NTMT1: variants seen among roughly 807,000 people sequenced by gnomAD.
NTMT1 encodes the protein N-terminal Xaa-Pro-Lys N-methyltransferase 1, also known as N-terminal RCC1 methyltransferase.
In NTMT1, 8 loss-of-function variants were observed where a neutral mutation model predicts 17.5. The observed-to-expected ratio is 0.46, with a 90% CI of 0.27 to 0.82. The LOEUF is 0.82. NTMT1 is among the 40% of genes least tolerant of loss of function. NTMT1 has a pLI of 0.15. For synonymous variants in NTMT1, 128 were observed against 126.8 expected, an observed-to-expected ratio of 1.01 and a Z score of -0.06; for missense variants, 221 against 303.5, an observed-to-expected ratio of 0.73 and a Z score of 2.02.
intron 1 of NTMT1, chr9:129,615,734 T>C: frequency 7.2e-7 from 1 of 1,390,556 alleles, no homozygotes; most frequent in Non-Finnish European, 9.5e-7. Context: ...TGTGAGATCC[T>C]GGACAAGTGC....
intron 1 of NTMT1, among the ~76,000 whole-genome samples, chr9:129,629,656 T>C (rs949021998): frequency 2.0e-5 from 3 of 152,170 alleles, no homozygotes; most frequent in Non-Finnish European, 2.9e-5. Flanking sequence ...GAGGGTGTTA[T>C]GTGCAATATT....
upstream of NTMT1, among the ~76,000 whole-genome samples, chr9:129,624,038 C>T (rs1830822409): frequency 6.6e-6 from 1 of 152,122 alleles, no homozygotes; most frequent in South Asian, 2.1e-4. Context: ...TTGTGATCCA[C>T]CTGCCTCGGC....
upstream of NTMT1, among the ~76,000 whole-genome samples, chr9:129,621,788 T>C (rs112619032): frequency 2.0e-5 from 3 of 152,260 alleles, no homozygotes; most frequent in African/African-American, 7.2e-5. Context: ...TCCCAGATTG[T>C]TGTCAGCTCT....
At chr9:129,633,120 T>G in intron 2 of NTMT1, 1 of 501,978 alleles carries the variant, frequency 2.0e-6, no homozygotes, top group Non-Finnish European at 3.5e-6. Flanking sequence ...GGCAAACCTC[T>G]CTTCAACTGT....
upstream of NTMT1, among the ~76,000 whole-genome samples, chr9:129,625,479 T>C (rs908317900): frequency 1.3e-5 from 2 of 152,198 alleles, no homozygotes; most frequent in Non-Finnish European, 2.9e-5. Flanking sequence ...CGAACTGTTG[T>C]ACGTGCTGGG....
At chr9:129,612,385 G>A in intron 1 of NTMT1, 1 of 1,613,538 alleles carries the variant, frequency 6.2e-7, no homozygotes, top group Non-Finnish European at 8.5e-7. Flanking sequence ...GAGGCCAGGA[G>A]GAGATGGTAC....
chr9:129,635,481 G>GT lies in NTMT1; in HGVS notation c.*17_*18insT. On this transcript the variant is annotated 3_prime_UTR_variant, in exon 4 of 4. Transcript: ENST00000372483. ...CTGAGATGAGCCGGGGCTGGCAGGA[G>GT]AAACTGAGGAACCACAGTCCTGGTG... 1 of 1,597,970 alleles carries GT rather than the reference G, an allele frequency of 6.3e-7. No homozygotes were observed. The highest frequency in any genetic ancestry group is 8.6e-7 in the Non-Finnish European group (1 of 1,169,426).
chr9:129,630,728 C>T (rs1038889086), intron 1 of NTMT1, among the ~76,000 whole-genome samples: 1 of 152,224 alleles, frequency 6.6e-6, no homozygotes, highest in African/African-American at 2.4e-5. Context: ...GCTAGAAGCC[C>T]CCTGCTCTCC....
intron 2 of NTMT1, chr9:129,633,088 C>T (rs1831270126): frequency 1.9e-6 from 1 of 537,084 alleles, no homozygotes; most frequent in East Asian, 3.0e-5. Context: ...GGCTGTTAGG[C>T]AGAATTGAGG....
Position 129,634,129 on chromosome 9 carries a change from C to A in NTMT1, c.238C>A (p.Leu80Ile), listed in dbSNP as rs1234575895. The A allele has an allele frequency of 6.2e-7, 1 of 1,614,138 alleles. No homozygotes were observed. The highest frequency in any genetic ancestry group is 8.5e-7 in the Non-Finnish European group (1 of 1,179,998). Reference protein sequence around the residue: ...AGIGRITKRLLLPLFREVDMV... With the variant: ...AGIGRITKRLILPLFREVDMV... ...CATTGGGAGGATCACCAAGCGGCTGCTCCTGCCGCTGTTCAGAGAGGTGGA... is the reference window on the plus strand; with the variant it reads ...CATTGGGAGGATCACCAAGCGGCTGATCCTGCCGCTGTTCAGAGAGGTGGA... The change falls in exon 3 of 4, where the codon CTC (leucine) becomes ATC (isoleucine). Residue 80 changes from leucine to isoleucine, a missense_variant. Coordinates refer to ENST00000372483, the MANE Select transcript of NTMT1 (RefSeq NM_014064.4).
chr9:129,611,896 G>A (rs1830121790), intron 1 of NTMT1, among the ~76,000 whole-genome samples: 1 of 152,068 alleles, frequency 6.6e-6, no homozygotes, highest in South Asian at 2.1e-4. Context: ...GGGGCTAGAG[G>A]CGTGGAGCAC....
At position 129,616,464 on chromosome 9, in the gene NTMT1, C is replaced by G. The variant is rs375046312; in HGVS notation, c.-55+7286C>G. 2.8e-3 allele frequency among the ~76,000 whole-genome samples: 428 copies of G among 152,282 alleles called. 3 individuals are homozygous for G. Among genetic ancestry groups the G allele is most frequent in the African/African-American group, 9.6e-3 (398 of 41,560 alleles). On this transcript the variant is annotated intron_variant, in intron 1 of 3. Coordinates refer to the NTMT1 transcript ENST00000372486. Reference sequence around the variant, plus strand: ...CGCCTGACCTCAAGTGATCCACCCCCCTTCGCCTTCCTAAGTGCTGGGATC... The same window carrying G: ...CGCCTGACCTCAAGTGATCCACCCCGCTTCGCCTTCCTAAGTGCTGGGATC...
rs1830609209 is a variant in NTMT1, at chr9:129,620,137, G to A, written c.-55+10959G>A. ...GGAACTCACGGAACCTGCTGGGGAG[G>A]AGCTCTCCTAGGAAGGCGCCCAAGA... is the stretch of plus-strand genomic sequence containing the variant. On this transcript the variant is annotated intron_variant, in intron 1 of 3. Transcript: ENST00000372486. This position sits in a 1 kb window ranked among gnomAD's most constrained non-coding sequence, Gnocchi z 5.8. 1 of 1,458,462 alleles carries A rather than the reference G, an allele frequency of 6.9e-7. No homozygotes were observed. The highest frequency in any genetic ancestry group is 9.1e-7 in the Non-Finnish European group (1 of 1,103,730). The allele number at this position is 1,458,462 out of a possible 1,614,324, so 90.3% of individuals were successfully genotyped here.
intron 3 of NTMT1, chr9:129,634,727 G>C (rs1031568031): frequency 4.5e-6 from 1 of 220,114 alleles, no homozygotes; most frequent in Non-Finnish European, 9.0e-6. Context: ...CGTGGCGGCA[G>C]GCCGCTAGCA....
At chr9:129,629,257 C>T (rs545397631) in intron 1 of NTMT1, among the ~76,000 whole-genome samples, 1 of 152,176 alleles carries the variant, frequency 6.6e-6, no homozygotes, top group Non-Finnish European at 1.5e-5. Flanking sequence ...CTGGTCCTTA[C>T]GCCATCAGAC....
chr9:129,629,389 A>ATTCTTC (rs34646462), intron 1 of NTMT1, among the ~76,000 whole-genome samples: 3 of 151,322 alleles, frequency 2.0e-5, no homozygotes, highest in South Asian at 2.1e-4. Context: ...AGAAGAATTC[A>ATTCTTC]TTCTTCTTCT....
In NTMT1 at chr9:129,613,227, G is replaced by A. The variant is rs914252236; in HGVS notation, c.-55+4049G>A. 3.7e-6 allele frequency: 6 copies of A among 1,611,272 alleles called. No homozygotes were observed. The East Asian group carries it at 1.3e-4, about 36-fold the overall frequency. The stretch of plus-strand genomic sequence containing the variant: ...TGTTCATGGAGGTGTCCTCAGAAAG[G>A]TAGCCCTGTGTCTTCTGGGTGGACC... On this transcript the variant is annotated intron_variant, in intron 1 of 3. Transcript: ENST00000372486. The surrounding 1 kb of genome is among the most constrained non-coding windows in gnomAD (Gnocchi z 6.2).
At chr9:129,633,383 CCT>C (rs1173034613) in intron 2 of NTMT1, 2 of 213,024 alleles carry the variant, frequency 9.4e-6, no homozygotes, top group African/African-American at 4.6e-5. Context: ...CTCCATGTTC[CCT>C]CTCTGCACCC....
chr9:129,632,949 A>T (rs1564348538), intron 2 of NTMT1, 84 bp downstream of exon 2: 1 of 1,462,508 alleles, frequency 6.8e-7, no homozygotes, highest in Non-Finnish European at 9.4e-7. Flanking sequence ...CCTTTTACAC[A>T]TGTAACACTG....
Sources: gnomAD v4.1 joint callset for allele counts (sites outside exome capture counted in the v4.1 genomes callset) on GRCh38, gnomAD v4.1.1 for gene constraint, Gnocchi (gnomAD v3.1) non-coding constraint, MANE v1.5 for transcripts, NCBI Gene and HGNC (gene_info 2026-07-23, HGNC 2026-07-21) for gene names.